PTPRU: variants seen among roughly 807,000 people sequenced by gnomAD.
The protein encoded by PTPRU is receptor-type tyrosine-protein phosphatase U.
Under a neutral mutation model 166.3 loss-of-function variants are expected in PTPRU, and 69 were observed. That is an observed-to-expected ratio of 0.41 (90% CI 0.34 to 0.51). The LOEUF is 0.51. Ranked by LOEUF, PTPRU falls within the 20% of genes least tolerant of loss-of-function variation. PTPRU has a pLI of 0.09. For synonymous variants in PTPRU, 793 were observed against 814.0 expected, an observed-to-expected ratio of 0.97 and a Z score of 0.44; for missense variants, 1,657 against 2,013.7, an observed-to-expected ratio of 0.82 and a Z score of 3.39.
rs1226517288 is a variant in PTPRU, at chr1:29,317,955, C to T, written c.3687+34C>T. ...TTGGGGTGGAGTGGGCTCTGGGGCTCCCCTTCCCAGCAGCATCAGGGAAGG... is the reference window on the plus strand; with the variant it reads ...TTGGGGTGGAGTGGGCTCTGGGGCTTCCCTTCCCAGCAGCATCAGGGAAGG... On this transcript the variant is annotated intron_variant, in intron 25 of 29. Coordinates refer to ENST00000373779, the MANE Select transcript of PTPRU (RefSeq NM_133178.4). This position sits in a 1 kb window ranked among gnomAD's most constrained non-coding sequence, Gnocchi z 5.6. 8.7e-6 allele frequency: 14 copies of T among 1,608,464 alleles called. No individual in the cohort carries two copies. Among genetic ancestry groups the T allele is most frequent in the Middle Eastern group, 1.7e-4 (1 of 6,054 alleles).
At chr1:29,270,841 T>C (rs1004271701) in intron 7 of PTPRU, among the ~76,000 whole-genome samples, 6 of 152,254 alleles carry the variant, frequency 3.9e-5, no homozygotes, top group Middle Eastern at 3.4e-3. Context: ...TGGTGGCACA[T>C]GCCTGTGGTC....
Position 29,260,938 on chromosome 1 carries a change from G to C in PTPRU, c.1144+35G>C. 1 of 1,501,234 alleles carries C rather than the reference G, an allele frequency of 6.7e-7. No individual in the cohort carries two copies. Among genetic ancestry groups the C allele is most frequent in the Non-Finnish European group, 8.8e-7 (1 of 1,130,808 alleles). 93.0% of individuals were successfully genotyped at this position (1,501,234 alleles called of 1,614,324 possible). On this transcript the variant is annotated intron_variant, in intron 7 of 29. Transcript: ENST00000373779. This position sits in a 1 kb window ranked among gnomAD's most constrained non-coding sequence, Gnocchi z 8.3. ...GCAGCTACCCCTGGCCTCAGTCTCT[G>C]GTGGGCCCAGGGCTATGGAGGGGCG...
chr1:29,274,163 T>A (rs1685694236), intron 7 of PTPRU, among the ~76,000 whole-genome samples: 1 of 152,232 alleles, frequency 6.6e-6, no homozygotes, highest in Non-Finnish European at 1.5e-5. Flanking sequence ...CCCAAGCAGC[T>A]GGGACCACAG....
chr1:29,243,704 C>T (rs558007164), intron 1 of PTPRU, among the ~76,000 whole-genome samples: 1 of 152,348 alleles, frequency 6.6e-6, no homozygotes, highest in South Asian at 2.1e-4. Flanking sequence ...GGCTGGGAGC[C>T]CCCAGGGGCT....
chr1:29,241,626 A>C, intron 1 of PTPRU, among the ~76,000 whole-genome samples: 1 of 142,974 alleles, frequency 7.0e-6, no homozygotes, highest in Admixed American at 7.2e-5. Context: ...ATGGAGTCTC[A>C]CTCTGTCACC....
intron 24 of PTPRU, among the ~76,000 whole-genome samples, chr1:29,316,596 G>A (rs1268067682): frequency 6.6e-6 from 1 of 152,158 alleles, no homozygotes; most frequent in Non-Finnish European, 1.5e-5. Context: ...TGGATCCAGG[G>A]GCTCAGATGA....
At position 29,291,933 on chromosome 1, in the gene PTPRU, G is replaced by A. The variant is rs1217637863; in HGVS notation, c.2383G>A (p.Ala795Thr). Residue 795 changes from alanine to threonine, a missense_variant, in exon 15 of 30, where the codon GCC becomes ACC. Around this residue, in one of 3 missense-constraint regions of PTPRU, gnomAD observed 1,190 missense variants for 1,477.4 expected, o/e 0.81. Transcript: ENST00000373779. This position sits in a 1 kb window ranked among gnomAD's most constrained non-coding sequence, Gnocchi z 4.1. ...CCAGGAGAAGACACACATGATGAGC[G>A]CCGTGGACCGCAGCTTCACAGACCA... Reference protein sequence around the residue: ...YRQEKTHMMSAVDRSFTDQST... With the variant: ...YRQEKTHMMSTVDRSFTDQST... 17 of 1,614,052 alleles carry A rather than the reference G, an allele frequency of 1.1e-5. No homozygotes were observed. The highest frequency in any genetic ancestry group is 2.2e-5 in the East Asian group (1 of 44,872).
intron 7 of PTPRU, among the ~76,000 whole-genome samples, chr1:29,273,277 CT>C (rs1209215215): frequency 1.3e-5 from 2 of 151,952 alleles, no homozygotes; most frequent in Non-Finnish European, 2.9e-5. Context: ...CTTTTCTATT[CT>C]TTTTTTTCGA....
At chr1:29,304,278 C>T (rs1232394459) in intron 16 of PTPRU, among the ~76,000 whole-genome samples, 2 of 152,226 alleles carry the variant, frequency 1.3e-5, no homozygotes, top group East Asian at 1.9e-4. Flanking sequence ...AATCTCGTCT[C>T]CATCTCTATG....
At chr1:29,266,291 G>T (rs1031204791) in intron 7 of PTPRU, among the ~76,000 whole-genome samples, 1 of 152,018 alleles carries the variant, frequency 6.6e-6, no homozygotes, top group South Asian at 2.1e-4. Flanking sequence ...GAGCCACCGC[G>T]CCTGGCCTCC....
intron 16 of PTPRU, among the ~76,000 whole-genome samples, chr1:29,304,540 C>G (rs1004815017): frequency 3.3e-5 from 5 of 152,128 alleles, no homozygotes; most frequent in Non-Finnish European, 7.4e-5. Context: ...GAACCCTGGC[C>G]CTCTTTTCCT....
At chr1:29,250,860 T>C (rs1159137847) in intron 1 of PTPRU, among the ~76,000 whole-genome samples, 1 of 152,180 alleles carries the variant, frequency 6.6e-6, no homozygotes, top group Non-Finnish European at 1.5e-5. Flanking sequence ...TCCCCAGAGA[T>C]GTTACCCACT....
In PTPRU at chr1:29,315,877, G is replaced by A. The variant is rs766721569; in HGVS notation, c.3364-125G>A. The A allele has an allele frequency of 3.3e-6, 4 of 1,222,458 alleles. No individual in the cohort carries two copies. The highest frequency in any genetic ancestry group is 3.4e-6 in the Non-Finnish European group (3 of 880,492). The allele number at this position is 1,222,458 out of a possible 1,614,324, so 75.7% of individuals were successfully genotyped here. A position where few individuals can be genotyped will look rare whatever the true frequency, so the allele number is the denominator to read the frequency against. ...GTTTCAGGTAGGCTTGGTCCAGCCT[G>A]TAGTAACATGGTTGGCCTCCACCTC... is the stretch of plus-strand genomic sequence containing the variant. On this transcript the variant is annotated intron_variant, in intron 23 of 29. Transcript: ENST00000373779. This position sits in a 1 kb window ranked among gnomAD's most constrained non-coding sequence, Gnocchi z 4.5.
In PTPRU at chr1:29,282,910, CTA is replaced by C; in HGVS notation, c.2105_2106del (p.Tyr702SerfsTer133). 6.2e-7 allele frequency: 1 copy of C among 1,614,016 alleles called. No individual in the cohort carries two copies. The highest frequency in any genetic ancestry group is 1.7e-5 in the Admixed American group (1 of 60,022). ...WNPPLEPRKA[Y>X]LIYFQAASHL... ...ACCCACCACTTGAGCCTAGGAAGGC[CTA>C]TCTCATCTACTTCCAGGCAGCAAGC... is the stretch of plus-strand genomic sequence containing the variant. On this transcript the variant is annotated frameshift_variant, in exon 12 of 30. Coordinates refer to ENST00000373779, the MANE Select transcript of PTPRU (RefSeq NM_133178.4). LOFTEE classifies it high-confidence loss of function.
At chr1:29,324,594 G>C (rs1557494289) in intron 28 of PTPRU, among the ~76,000 whole-genome samples, 1 of 152,222 alleles carries the variant, frequency 6.6e-6, no homozygotes, top group Non-Finnish European at 1.5e-5. Flanking sequence ...TGCTCTCTGG[G>C]TACGCGCTTG....
chr1:29,256,796 C>T (rs998797245), intron 2 of PTPRU, among the ~76,000 whole-genome samples: 1 of 152,200 alleles, frequency 6.6e-6, no homozygotes, highest in Non-Finnish European at 1.5e-5. Context: ...AGGTACAAGG[C>T]AGCTGATTGG....
chr1:29,298,842 G>A (rs996749510), intron 15 of PTPRU, among the ~76,000 whole-genome samples: 4 of 151,976 alleles, frequency 2.6e-5, no homozygotes, highest in Admixed American at 6.6e-5. Context: ...CAGTTTTCTC[G>A]TTTGCACAAG....
intron 14 of PTPRU, among the ~76,000 whole-genome samples, chr1:29,285,478 T>A (rs1307946252): frequency 6.6e-6 from 1 of 152,312 alleles, no homozygotes; most frequent in Admixed American, 6.5e-5. Context: ...TGTGTTTGCA[T>A]GAAATGTGTT....
intron 28 of PTPRU, among the ~76,000 whole-genome samples, chr1:29,324,472 G>A (rs1431998270): frequency 6.6e-6 from 1 of 152,178 alleles, no homozygotes; most frequent in Non-Finnish European, 1.5e-5. Context: ...GGCACGGAGG[G>A]GATGGAGCTC....
Sources: allele counts gnomAD v4.1 joint callset (sites outside exome capture counted in the v4.1 genomes callset), GRCh38; gene constraint gnomAD v4.1.1; regional missense constraint gnomAD v4.1.1; non-coding constraint Gnocchi (gnomAD v3.1); transcripts MANE v1.5; gene names NCBI Gene and HGNC (gene_info 2026-07-23, HGNC 2026-07-21).